Variants in EYS observed in about 807,000 individuals in gnomAD.
EYS encodes protein eyes shut homolog.
EYS carries 250 observed loss-of-function variants against 282.1 expected under a neutral mutation model. That is an observed-to-expected ratio of 0.89 (90% CI 0.80 to 0.98). EYS has a LOEUF of 0.98. EYS is among the 50% of genes least tolerant of loss of function. EYS has a pLI of 0.00. For missense variants in EYS, 4,016 were observed against 3,709.0 expected (o/e 1.08, Z -2.15); for synonymous variants, 1,355 against 1,282.9 (o/e 1.06, Z -1.20).
At chr6:65,068,382 G>C (rs1035993027) in intron 12 of EYS, among the ~76,000 whole-genome samples, 1 of 152,052 alleles carries the variant, frequency 6.6e-6, no homozygotes, top group Non-Finnish European at 1.5e-5. Flanking sequence ...TTAATCAAGT[G>C]TGACCTCCAT....
At chr6:64,698,787 C>T (rs1373767463) in intron 22 of EYS, among the ~76,000 whole-genome samples, 10 of 152,176 alleles carry the variant, frequency 6.6e-5, no homozygotes, top group African/African-American at 2.4e-4. Flanking sequence ...TACCATCTTA[C>T]ACCAGTCAGA....
intron 13 of EYS, among the ~76,000 whole-genome samples, chr6:65,033,936 G>C (rs1332214517): frequency 2.0e-5 from 3 of 152,330 alleles, no homozygotes; most frequent in South Asian, 4.1e-4. Context: ...GAGCAGCCCT[G>C]GTGCTGAATA....
chr6:65,525,000 G>A (rs1767503372), intron 2 of EYS, among the ~76,000 whole-genome samples: 1 of 151,904 alleles, frequency 6.6e-6, no homozygotes, highest in Admixed American at 6.6e-5. Flanking sequence ...AGTCCACGTT[G>A]CTGGGCCCAT....
At chr6:63,804,711 AAGG>A (rs1277313340) in intron 37 of EYS, among the ~76,000 whole-genome samples, 2 of 152,176 alleles carry the variant, frequency 1.3e-5, no homozygotes, top group South Asian at 2.1e-4. Context: ...AGAACATGAT[AAGG>A]AGGTTTGGAT....
chr6:64,345,230 C>T (rs1262344425), intron 29 of EYS, among the ~76,000 whole-genome samples: 1 of 152,092 alleles, frequency 6.6e-6, no homozygotes, highest in African/African-American at 2.4e-5. Flanking sequence ...CAAAAAAGAG[C>T]CCACATTGCC....
chr6:65,092,657 T>C (rs1054085218), intron 12 of EYS, among the ~76,000 whole-genome samples: 10 of 152,182 alleles, frequency 6.6e-5, no homozygotes, highest in Admixed American at 3.9e-4. Context: ...TGATAGCATA[T>C]AGTCATCTTT....
At chr6:65,139,142 C>T (rs189483580) in intron 12 of EYS, among the ~76,000 whole-genome samples, 9 of 152,044 alleles carry the variant, frequency 5.9e-5, no homozygotes, top group Non-Finnish European at 1.0e-4. Context: ...ATATGTTCAT[C>T]GCAGCACTAT....
At chr6:65,319,048 A>G (rs1432823280) in intron 11 of EYS, among the ~76,000 whole-genome samples, 4 of 151,046 alleles carry the variant, frequency 2.6e-5, no homozygotes, top group Non-Finnish European at 1.5e-5. Flanking sequence ...TTATCTTTAT[A>G]TTTTTAAACT....
intron 2 of EYS, among the ~76,000 whole-genome samples, chr6:65,639,319 AATAAG>A (rs1254182969): frequency 1.1e-4 from 16 of 152,300 alleles, no homozygotes; most frequent in African/African-American, 3.6e-4. Flanking sequence ...AGTCTGAATA[AATAAG>A]ATAAGTTATT....
At chr6:65,058,102 G>C (rs1773469201) in intron 12 of EYS, among the ~76,000 whole-genome samples, 2 of 152,106 alleles carry the variant, frequency 1.3e-5, no homozygotes, top group South Asian at 4.1e-4. Flanking sequence ...GAAAATATTG[G>C]TGAATCAATA....
At chr6:64,924,387 G>A (rs1303688477) in intron 15 of EYS, among the ~76,000 whole-genome samples, 1 of 152,208 alleles carries the variant, frequency 6.6e-6, no homozygotes, top group Non-Finnish European at 1.5e-5. Context: ...TGGGACTCCA[G>A]GGCTGTGATG....
chr6:65,631,596 A>T (rs1766914439), intron 2 of EYS, among the ~76,000 whole-genome samples: 1 of 152,274 alleles, frequency 6.6e-6, no homozygotes, highest in Middle Eastern at 3.4e-3. Flanking sequence ...GAACAAGCAC[A>T]AATACTGTCA....
intron 12 of EYS, among the ~76,000 whole-genome samples, chr6:65,101,787 A>T (rs949663837): frequency 6.0e-5 from 9 of 151,160 alleles, no homozygotes; most frequent in African/African-American, 1.9e-4. Context: ...GTCCCTAGTT[A>T]TCCACTTGGC....
At chr6:65,686,112 G>T in intron 1 of EYS, among the ~76,000 whole-genome samples, 1 of 152,110 alleles carries the variant, frequency 6.6e-6, no homozygotes, top group Non-Finnish European at 1.5e-5. Context: ...TCTAATGATA[G>T]CCAGATGCAG....
chr6:64,472,143 C>G (rs930568572), intron 26 of EYS, among the ~76,000 whole-genome samples: 74 of 152,092 alleles, frequency 4.9e-4, no homozygotes, highest in Non-Finnish European at 2.9e-5. Flanking sequence ...AATGGAAAGA[C>G]CAAATTAAAA....
intron 22 of EYS, among the ~76,000 whole-genome samples, chr6:64,735,185 G>A (rs9345439): frequency 0.68 from 102,961 of 152,004 alleles, 37,174 homozygotes; most frequent in Non-Finnish European, 0.8. Flanking sequence ...CCGGGTTCAC[G>A]CCATTCTCCT....
intron 8 of EYS, among the ~76,000 whole-genome samples, chr6:65,368,059 C>T (rs1582195891): frequency 6.6e-6 from 1 of 151,472 alleles, no homozygotes; most frequent in East Asian, 1.9e-4. Flanking sequence ...GCAAATATGT[C>T]CTTTTTCACA....
intron 19 of EYS, among the ~76,000 whole-genome samples, chr6:64,824,217 G>T (rs1441044703): frequency 6.6e-6 from 1 of 151,976 alleles, no homozygotes; most frequent in Non-Finnish European, 1.5e-5. Flanking sequence ...AATACAGGTG[G>T]CTCTTAAGTC....
intron 35 of EYS, among the ~76,000 whole-genome samples, chr6:63,913,746 G>A (rs1474311755): frequency 1.3e-5 from 2 of 152,126 alleles, no homozygotes; most frequent in Non-Finnish European, 2.9e-5. Context: ...GGACCTTTGG[G>A]TTTACACCTT....
Sources: allele counts gnomAD v4.1 joint callset (sites outside exome capture counted in the v4.1 genomes callset), GRCh38; gene constraint gnomAD v4.1.1; transcripts MANE v1.5; gene names NCBI Gene and HGNC (gene_info 2026-07-23, HGNC 2026-07-21).